The following NFASC variants were observed in gnomAD, a reference collection of about 807,000 sequenced individuals.
The protein encoded by NFASC is neurofascin homolog.
NFASC carries 43 observed loss-of-function variants against 147.5 expected under a neutral mutation model. That is an observed-to-expected ratio of 0.29 (90% confidence interval 0.23 to 0.38). The LOEUF (loss-of-function observed/expected upper bound fraction) is 0.38. Ranked by LOEUF, NFASC falls within the 10% of genes least tolerant of loss-of-function variation. NFASC has a pLI of 1.00. For synonymous variants in NFASC, 622 were observed against 665.5 expected (o/e 0.93, Z 1.01); for missense variants, 1,320 against 1,689.0 (o/e 0.78, Z 3.83).
intron 8 of NFASC, chr1:204,967,947 A>AGGT: frequency 4.3e-6 from 1 of 231,778 alleles, no homozygotes; most frequent in Non-Finnish European, 8.4e-6. Context: ...TAGATCTCGC[A>AGGT]CTGCTCAGAC....
intron 21 of NFASC, chr1:204,984,383 A>ATATATATATATATATACGCG (rs2095570018): frequency 5.5e-4 from 6 of 10,908 alleles, no homozygotes; most frequent in African/African-American, 1.5e-3. Context: ...ATATATACGC[A>ATATATATATATATATACGCG]TATATATATA....
chr1:204,998,618 A>G (rs1435602389), intron 25 of NFASC: 2 of 152,244 alleles, frequency 1.3e-5, no homozygotes, highest in Non-Finnish European at 2.9e-5. Context: ...AGAACTTAAC[A>G]GGCACTTTCG....
intron 1 of NFASC, among the ~76,000 whole-genome samples, chr1:204,833,757 T>C (rs948208714): frequency 3.3e-5 from 5 of 152,224 alleles, no homozygotes; most frequent in Non-Finnish European, 5.9e-5. Context: ...GATTAGGTTG[T>C]TGGAGTCATG....
chr1:204,868,636 G>C (rs1438812284), intron 1 of NFASC, among the ~76,000 whole-genome samples: 2 of 152,182 alleles, frequency 1.3e-5, no homozygotes, highest in African/African-American at 2.4e-5. Flanking sequence ...TTGGGAGATG[G>C]GCTGGGCAGG....
intron 16 of NFASC, 30 bp from the exon 17 acceptor site, chr1:204,977,651 T>C (rs780353663): frequency 6.2e-7 from 1 of 1,604,448 alleles, no homozygotes; most frequent in South Asian, 1.1e-5. Context: ...GATAACCTGC[T>C]AACCTGGATA....
rs911491494 is a variant in NFASC at position 205,017,096 on chromosome 1, A to G, written c.*557A>G. The G allele has an allele frequency of 5.7e-6, 1 of 174,790 alleles. No homozygotes were observed. Among genetic ancestry groups the G allele is most frequent in the Non-Finnish European group, 1.3e-5 (1 of 79,730 alleles). 10.8% of individuals were successfully genotyped at this position (174,790 alleles called of 1,614,324 possible). A position where few individuals can be genotyped will look rare whatever the true frequency, so the allele number is the denominator to read the frequency against. On this transcript the variant is annotated 3_prime_UTR_variant, in exon 30 of 30. Coordinates refer to ENST00000339876, the MANE Select transcript of NFASC (RefSeq NM_001005388.3). ...TAATATTCAAACCACCTCTGGGCCA[A>G]TGCATTTCCAAAGGATGCCTTTCTC... is the stretch of plus-strand genomic sequence containing the variant.
Position 204,987,222 on chromosome 1 carries a change from CT to C in NFASC, c.2471-195del. 1 of 592,662 alleles carries C rather than the reference CT, an allele frequency of 1.7e-6. No individual in the cohort carries two copies. The highest frequency in any genetic ancestry group is 3.0e-6 in the Non-Finnish European group (1 of 333,792). The allele number at this position is 592,662 out of a possible 1,614,324, so 36.7% of individuals were successfully genotyped here. A position where few individuals can be genotyped will look rare whatever the true frequency, so the allele number is the denominator to read the frequency against. Reference sequence around the variant, plus strand: ...GTCTGAGCTATGTTTGTCCTCAGACCTGAAGGAAATAGCATCCTGGATGGGG... The same window carrying C: ...GTCTGAGCTATGTTTGTCCTCAGACCGAAGGAAATAGCATCCTGGATGGGG... On this transcript the variant is annotated intron_variant, in intron 21 of 29. Coordinates refer to ENST00000339876, the MANE Select transcript of NFASC (RefSeq NM_001005388.3). The surrounding 1 kb of genome is among the most constrained non-coding windows in gnomAD (Gnocchi z 4.4).
At chr1:204,981,377 G>A (rs2095506548) in intron 20 of NFASC, among the ~76,000 whole-genome samples, 2 of 152,266 alleles carry the variant, frequency 1.3e-5, no homozygotes, top group Admixed American at 1.3e-4. Flanking sequence ...AGTCCATTCT[G>A]GAATTTTGAG....
intron 1 of NFASC, among the ~76,000 whole-genome samples, chr1:204,889,609 C>T (rs1378069332): frequency 1.3e-5 from 2 of 152,202 alleles, no homozygotes; most frequent in African/African-American, 4.8e-5. Flanking sequence ...ATCTTCTCAG[C>T]CCTGGGGACT....
At chr1:204,880,499 G>C (rs56216890) in intron 1 of NFASC, among the ~76,000 whole-genome samples, 56 of 152,206 alleles carry the variant, frequency 3.7e-4, no homozygotes, top group African/African-American at 1.3e-3. Context: ...GGGACTACAG[G>C]CACCCGCCAC....
intron 10 of NFASC, among the ~76,000 whole-genome samples, chr1:204,970,101 A>AACT (rs2095176097): frequency 7.1e-6 from 1 of 140,994 alleles, no homozygotes; most frequent in Admixed American, 7.1e-5. Flanking sequence ...AAAAAAAAAG[A>AACT]ACTACTCTAA....
intron 5 of NFASC, among the ~76,000 whole-genome samples, chr1:204,953,245 G>T: frequency 6.6e-6 from 1 of 152,182 alleles, no homozygotes; most frequent in East Asian, 1.9e-4. Context: ...CAGTGGCTCA[G>T]TTCTACTAGG....
intron 17 of NFASC, 67 bp downstream of exon 17, chr1:204,977,792 A>T (rs1189052842): frequency 8.2e-6 from 12 of 1,463,850 alleles, no homozygotes; most frequent in Non-Finnish European, 1.1e-5. Context: ...GGAGTCTGGG[A>T]GAAGGAAGCC....
intron 4 of NFASC, among the ~76,000 whole-genome samples, chr1:204,951,060 A>G (rs1054297792): frequency 6.6e-5 from 10 of 151,664 alleles, no homozygotes; most frequent in Non-Finnish European, 1.3e-4. Flanking sequence ...ATCAAAAACT[A>G]TTGTGCACTG....
Position 204,987,329 on chromosome 1 carries a change from C to G in NFASC, c.2471-89C>G. 7.8e-7 allele frequency: 1 copy of G among 1,284,800 alleles called. No individual in the cohort carries two copies. Among genetic ancestry groups the G allele is most frequent in the Non-Finnish European group, 1.1e-6 (1 of 908,910 alleles). 79.6% of individuals were successfully genotyped at this position (1,284,800 alleles called of 1,614,324 possible). A position where few individuals can be genotyped will look rare whatever the true frequency, so the allele number is the denominator to read the frequency against. On this transcript the variant is annotated intron_variant, in intron 21 of 29. Coordinates refer to ENST00000339876, the MANE Select transcript of NFASC (RefSeq NM_001005388.3). The surrounding 1 kb of genome is among the most constrained non-coding windows in gnomAD (Gnocchi z 4.4). ...CATGGGGGTTGTCCAGAGGTCAATG[C>G]CTTCATACTTGTGCTTTGTTTTTTG...
At chr1:204,906,804 TC>T (rs1164124897) in intron 1 of NFASC, among the ~76,000 whole-genome samples, 33 of 151,618 alleles carry the variant, frequency 2.2e-4, no homozygotes, top group African/African-American at 5.8e-4. Context: ...TGCCTCAGCC[TC>T]CCCGAGTAGC....
At chr1:204,942,624 T>A (rs1037085568) in intron 2 of NFASC, among the ~76,000 whole-genome samples, 5 of 151,056 alleles carry the variant, frequency 3.3e-5, no homozygotes, top group Non-Finnish European at 5.9e-5. Flanking sequence ...TATGTGTCAA[T>A]TAAAAATAAT....
intron 3 of NFASC, among the ~76,000 whole-genome samples, chr1:204,950,027 A>G (rs766793851): frequency 4.6e-5 from 7 of 152,252 alleles, no homozygotes; most frequent in Non-Finnish European, 8.8e-5. Context: ...AGTCTTCCAT[A>G]GGATGGGAAA....
intron 15 of NFASC, among the ~76,000 whole-genome samples, chr1:204,976,006 C>T (rs2095394211): frequency 1.3e-5 from 2 of 151,794 alleles, no homozygotes; most frequent in East Asian, 1.9e-4. Context: ...ACCACTGTTC[C>T]GAGCCTCCCT....
Sources: gnomAD v4.1 joint callset for allele counts (sites outside exome capture counted in the v4.1 genomes callset) on GRCh38, gnomAD v4.1.1 for gene constraint, Gnocchi (gnomAD v3.1) non-coding constraint, MANE v1.5 for transcripts, NCBI Gene and HGNC (gene_info 2026-07-23, HGNC 2026-07-21) for gene names.